The following SRPK1 variants were observed in gnomAD, a reference collection of about 807,000 sequenced individuals.
SRPK1 encodes the protein SRSF protein kinase 1, also known as SFRS protein kinase 1.
In SRPK1, 52 loss-of-function variants were observed where a neutral mutation model predicts 89.5. The observed-to-expected ratio is 0.58, with a 90% CI of 0.46 to 0.73. The LOEUF (loss-of-function observed/expected upper bound fraction) is 0.73. SRPK1 is among the 30% of genes least tolerant of loss of function. SRPK1 has a pLI of 0.00. For missense variants in SRPK1, 603 were observed against 780.6 expected, an observed-to-expected ratio of 0.77 and a Z score of 2.71; for synonymous variants, 255 against 270.2, an observed-to-expected ratio of 0.94 and a Z score of 0.55.
intron 2 of SRPK1, among the ~76,000 whole-genome samples, chr6:35,891,340 C>T (rs769843808): frequency 3.9e-5 from 6 of 152,176 alleles, no homozygotes; most frequent in Non-Finnish European, 8.8e-5. Context: ...AAATATTTAT[C>T]TGTAATCACA....
At chr6:35,915,997 T>TATACACACACAC (rs1284737691) in intron 2 of SRPK1, among the ~76,000 whole-genome samples, 2 of 90,230 alleles carry the variant, frequency 2.2e-5, no homozygotes, top group African/African-American at 1.1e-4. Flanking sequence ...AAAAAATATA[T>TATACACACACAC]ACACACACAC....
At chr6:35,893,316 CATT>C (rs1770559034) in intron 2 of SRPK1, among the ~76,000 whole-genome samples, 1 of 152,030 alleles carries the variant, frequency 6.6e-6, no homozygotes, top group African/African-American at 2.4e-5. Flanking sequence ...GAAACCTCAT[CATT>C]AAGAAAAACG....
intron 6 of SRPK1, among the ~76,000 whole-genome samples, chr6:35,881,363 A>G (rs540683110): frequency 7.9e-5 from 12 of 151,704 alleles, no homozygotes; most frequent in Non-Finnish European, 5.9e-5. Context: ...TAAAAAACCA[A>G]TATGTCAAAA....
chr6:35,885,972 T>C (rs1276935194), intron 6 of SRPK1, among the ~76,000 whole-genome samples: 4 of 152,206 alleles, frequency 2.6e-5, no homozygotes, highest in Non-Finnish European at 5.9e-5. Context: ...CACAGCCTCT[T>C]CAAAGTTGAG....
At chr6:35,854,082 C>T (rs2151083228) in intron 13 of SRPK1, among the ~76,000 whole-genome samples, 1 of 152,202 alleles carries the variant, frequency 6.6e-6, no homozygotes, top group Admixed American at 6.5e-5. Flanking sequence ...TCCTGAGTAG[C>T]TGAGGTTACA....
At chr6:35,884,342 T>C (rs1031596483) in intron 6 of SRPK1, among the ~76,000 whole-genome samples, 1 of 152,218 alleles carries the variant, frequency 6.6e-6, no homozygotes, top group Non-Finnish European at 1.5e-5. Context: ...TATGGAATTC[T>C]GTAAGAACTA....
At chr6:35,912,520 C>G (rs1770992402) in intron 2 of SRPK1, among the ~76,000 whole-genome samples, 1 of 152,206 alleles carries the variant, frequency 6.6e-6, no homozygotes, top group African/African-American at 2.4e-5. Flanking sequence ...GACTACAGTA[C>G]AGTGCAAACA....
At chr6:35,891,167 CTCA>C in intron 2 of SRPK1, 154 bp from the exon 3 acceptor site, 1 of 807,462 alleles carries the variant, frequency 1.2e-6, no homozygotes, top group Admixed American at 3.9e-5. Flanking sequence ...GTAGTTTTAC[CTCA>C]TGTTAGAAAA....
At chr6:35,857,601 C>A (rs1463215227) in intron 12 of SRPK1, among the ~76,000 whole-genome samples, 1 of 152,144 alleles carries the variant, frequency 6.6e-6, no homozygotes, top group Non-Finnish European at 1.5e-5. Flanking sequence ...TTAATATACA[C>A]AGGTCTAGGA....
At chr6:35,888,555 C>CA (rs1350416132) in intron 4 of SRPK1, among the ~76,000 whole-genome samples, 4 of 152,026 alleles carry the variant, frequency 2.6e-5, no homozygotes, top group Non-Finnish European at 5.9e-5. Context: ...ATAAAAATCA[C>CA]AAAAAAATCA....
chr6:35,877,762 G>T (rs1235203434), intron 6 of SRPK1, among the ~76,000 whole-genome samples: 1 of 151,452 alleles, frequency 6.6e-6, no homozygotes, highest in Non-Finnish European at 1.5e-5. Flanking sequence ...AGAATCACTT[G>T]AACCCAGGAG....
intron 12 of SRPK1, among the ~76,000 whole-genome samples, chr6:35,867,502 A>T (rs1418536486): frequency 4.6e-5 from 7 of 152,192 alleles, no homozygotes; most frequent in Non-Finnish European, 8.8e-5. Flanking sequence ...TCTATTATAA[A>T]TTTTAAAAAG....
intron 12 of SRPK1, among the ~76,000 whole-genome samples, chr6:35,858,020 C>A (rs1008835836): frequency 2.0e-5 from 3 of 152,178 alleles, no homozygotes; most frequent in African/African-American, 7.2e-5. Flanking sequence ...TCCACACTTT[C>A]CTATCACATT....
chr6:35,872,463 T>C, intron 8 of SRPK1, 100 bp downstream of exon 8: 3 of 1,080,814 alleles, frequency 2.8e-6, no homozygotes, highest in Non-Finnish European at 3.8e-6. Flanking sequence ...ATGTTATTGT[T>C]GAAATGGATT....
chr6:35,915,188 C>G (rs948101028), intron 2 of SRPK1, among the ~76,000 whole-genome samples: 2 of 151,730 alleles, frequency 1.3e-5, no homozygotes, highest in Non-Finnish European at 2.9e-5. Flanking sequence ...CAGAACGCGA[C>G]GTCAGGAGAT....
In SRPK1 at chr6:35,872,587, C is replaced by G; in HGVS notation, c.727G>C (p.Ala243Pro). ...AEATEWQRSG[A>P]PPPSGSAVST... ...CCTGCAGATCCGGAAGGCGGAGGAG[C>G]TCCAGATCGCTGCCATTCTGTTGCT... Residue 243 changes from alanine to proline, a missense_variant, in exon 8 of 16, where the codon GCT becomes CCT. Ala to Pro is a conservative substitution (Grantham distance 27, BLOSUM62 -1). Coordinates refer to ENST00000373825, the MANE Select transcript of SRPK1 (RefSeq NM_003137.5). The G allele has an allele frequency of 6.2e-7, 1 of 1,609,400 alleles. No individual in the cohort carries two copies. Among genetic ancestry groups the G allele is most frequent in the Non-Finnish European group, 8.5e-7 (1 of 1,178,166 alleles).
chr6:35,879,338 G>A (rs553264394), intron 6 of SRPK1, among the ~76,000 whole-genome samples: 2 of 152,200 alleles, frequency 1.3e-5, no homozygotes, highest in South Asian at 2.1e-4. Context: ...CTTGAGCCCA[G>A]GGGGTTGAGA....
chr6:35,840,470 T>C (rs891819088), intron 14 of SRPK1, among the ~76,000 whole-genome samples: 2 of 152,196 alleles, frequency 1.3e-5, no homozygotes, highest in Non-Finnish European at 2.9e-5. Flanking sequence ...AGGAAAAACT[T>C]AGACTATAAT....
intron 13 of SRPK1, among the ~76,000 whole-genome samples, chr6:35,846,924 G>T (rs1296052137): frequency 6.6e-6 from 1 of 152,162 alleles, no homozygotes; most frequent in Non-Finnish European, 1.5e-5. Context: ...TTATTAGATG[G>T]AGAAAATGCA....
Sources: gnomAD v4.1 joint callset for allele counts (sites outside exome capture counted in the v4.1 genomes callset) on GRCh38, gnomAD v4.1.1 for gene constraint, MANE v1.5 for transcripts, NCBI Gene and HGNC (gene_info 2026-07-23, HGNC 2026-07-21) for gene names.